Variants in QTRT2 observed in about 807,000 individuals in gnomAD.
QTRT2 encodes the protein queuine tRNA-ribosyltransferase domain containing 1.
In QTRT2, 32 loss-of-function variants were observed where a neutral mutation model predicts 44.8. That is an observed-to-expected ratio of 0.71 (90% CI 0.54 to 0.96). QTRT2 has a LOEUF of 0.96. Among genes scored for constraint, QTRT2 ranks in the 40% least tolerant of loss-of-function variants. QTRT2 has a pLI of 0.00. For synonymous variants in QTRT2, 182 were observed against 187.4 expected (o/e 0.97, Z 0.24); for missense variants, 461 against 503.1 (o/e 0.92, Z 0.80).
In QTRT2 at chr3:114,086,048, A is replaced by AC; in HGVS notation, c.*145dup. On this transcript the variant is annotated 3_prime_UTR_variant, in exon 10 of 10. Coordinates refer to ENST00000281273, the MANE Select transcript of QTRT2 (RefSeq NM_024638.4). ...CTTAAATAAAGAATCTTTGTACCAA[A>AC]CTGCCCACATGAGGGTGAAGAGATT... 1.5e-6 allele frequency: 1 copy of AC among 678,354 alleles called. No homozygotes were observed. The highest frequency in any genetic ancestry group is 1.8e-5 in the South Asian group (1 of 54,236). 42.0% of individuals were successfully genotyped at this position (678,354 alleles called of 1,614,324 possible). A position where few individuals can be genotyped will look rare whatever the true frequency, so the allele number is the denominator to read the frequency against.
At chr3:114,081,261 C>T (rs944244516) in intron 8 of QTRT2, among the ~76,000 whole-genome samples, 1 of 152,154 alleles carries the variant, frequency 6.6e-6, no homozygotes, top group Admixed American at 6.5e-5. Context: ...AAATTAAAGT[C>T]CTTTGCCAGT....
intron 3 of QTRT2, 24 bp from the exon 4 acceptor site, chr3:114,066,204 T>C (rs772125337): frequency 2.6e-6 from 4 of 1,537,046 alleles, no homozygotes; most frequent in African/African-American, 1.4e-5. Context: ...TATTATGTTA[T>C]GTATTTTTCT....
At chr3:114,068,116 C>A in intron 5 of QTRT2, 53 bp downstream of exon 5, 1 of 1,433,076 alleles carries the variant, frequency 7.0e-7, no homozygotes, top group Non-Finnish European at 9.8e-7. Flanking sequence ...GGAAGTCAGC[C>A]TATGGTGTAT....
intron 8 of QTRT2, among the ~76,000 whole-genome samples, chr3:114,082,230 A>ACACG (rs1462987984): frequency 6.7e-6 from 1 of 149,328 alleles, no homozygotes. Flanking sequence ...ACACACACAC[A>ACACG]CACACACACA....
intron 8 of QTRT2, among the ~76,000 whole-genome samples, chr3:114,080,543 C>T (rs1274019691): frequency 6.6e-6 from 1 of 151,864 alleles, no homozygotes; most frequent in African/African-American, 2.4e-5. Flanking sequence ...GCTAATGTTG[C>T]TTTGAAGGAC....
Position 114,056,878 on chromosome 3 carries a change from T to C in QTRT2, c.-130+14T>C, listed in dbSNP as rs2076798292. ...GTTTGTTGGCAGGTAAGTGCCCCTT[T>C]GCCCTGCTGGTGTGGGAGCTGCTAG... is the stretch of plus-strand genomic sequence containing the variant. On this transcript the variant is annotated intron_variant, in intron 1 of 9. Transcript: ENST00000281273. 3 of 1,535,842 alleles carry C rather than the reference T, an allele frequency of 2.0e-6. No individual in the cohort carries two copies. Among genetic ancestry groups the C allele is most frequent in the Non-Finnish European group, 2.6e-6 (3 of 1,146,736 alleles).
At chr3:114,058,963 G>A (rs2076847228) in intron 2 of QTRT2, among the ~76,000 whole-genome samples, 1 of 152,248 alleles carries the variant, frequency 6.6e-6, no homozygotes, top group African/African-American at 2.4e-5. Flanking sequence ...AGGGGTAAGA[G>A]ATGCTGATGT....
rs375232308 is a variant in QTRT2, at chr3:114,080,107, G to A, written c.898+50G>A. On this transcript the variant is annotated intron_variant, in intron 8 of 9. Transcript: ENST00000281273. The stretch of plus-strand genomic sequence containing the variant: ...TATCCTTAAGTTTCTTCCATTTCCT[G>A]TTAATTTTTGGCTTGAGTCACAAGA... 1.1e-5 allele frequency: 17 copies of A among 1,491,522 alleles called. No individual in the cohort carries two copies. The African/African-American group carries it at 2.4e-4, about 21-fold the overall frequency. The allele number at this position is 1,491,522 out of a possible 1,614,324, so 92.4% of individuals were successfully genotyped here. A position where few individuals can be genotyped will look rare whatever the true frequency, so the allele number is the denominator to read the frequency against.
Position 114,067,997 on chromosome 3 carries a change from A to G in QTRT2, c.267A>G (p.Glu89=). ...TTTGTGTTTATACAGGCATGCCAGA[A>G]TCACTCTTGTACTGCTCCCTGCACG... The part of the protein sequence containing the change: ...EGVGKFIGMP[E]SLLYCSLHDP... The change falls in exon 5 of 10, where the codon GAA becomes GAG. Residue 89 remains glutamate, a synonymous_variant. Transcript: ENST00000281273. 1 of 1,613,688 alleles carries G rather than the reference A, an allele frequency of 6.2e-7. No individual in the cohort carries two copies. The highest frequency in any genetic ancestry group is 1.1e-5 in the South Asian group (1 of 91,068).
At position 114,079,951 on chromosome 3, in the gene QTRT2, T is replaced by A. The variant is rs747936404; in HGVS notation, c.792T>A (p.Ile264=). ...GGCCAGATGAGGTGCTCGAGTGTAT[T>A]GAAAGAGGAGTGGACTTATTTGAGA... ...VSRPDEVLEC[I]ERGVDLFESF... is the part of the protein sequence containing the mutation. The change falls in exon 8 of 10, where the codon ATT becomes ATA. Residue 264 remains isoleucine, a synonymous_variant. Coordinates refer to ENST00000281273, the MANE Select transcript of QTRT2 (RefSeq NM_024638.4). 1.9e-6 allele frequency: 3 copies of A among 1,613,984 alleles called. No individual in the cohort carries two copies. The highest frequency in any genetic ancestry group is 1.6e-4 in the Middle Eastern group (1 of 6,062).
chr3:114,078,635 T>C (rs2077124758), intron 7 of QTRT2: 1 of 152,210 alleles, frequency 6.6e-6, no homozygotes, highest in South Asian at 2.1e-4. Context: ...TTGAGTATCC[T>C]TTATCCAAAA....
chr3:114,060,554 TTAGA>T (rs200478018), intron 2 of QTRT2, among the ~76,000 whole-genome samples: 1,628 of 150,790 alleles, frequency 0.011, 32 homozygotes, highest in African/African-American at 0.037. Flanking sequence ...ATAAGATAGA[TTAGA>T]TAGATAGATT....
intron 6 of QTRT2, among the ~76,000 whole-genome samples, chr3:114,073,182 C>T (rs1230977801): frequency 4.6e-5 from 7 of 151,996 alleles, no homozygotes; most frequent in Non-Finnish European, 8.8e-5. Context: ...GTGTTGGTGG[C>T]TTGCTAGTAA....
At chr3:114,075,589 G>A (rs1364393771) in intron 6 of QTRT2, among the ~76,000 whole-genome samples, 1 of 147,070 alleles carries the variant, frequency 6.8e-6, no homozygotes, top group Non-Finnish European at 1.5e-5. Flanking sequence ...ACTCAGCGCA[G>A]CCTCCTCCTC....
chr3:114,060,974 A>C (rs2076879838), intron 2 of QTRT2, among the ~76,000 whole-genome samples: 1 of 152,200 alleles, frequency 6.6e-6, no homozygotes, highest in African/African-American at 2.4e-5. Flanking sequence ...GGTGGAACAG[A>C]GCAAAATGGT....
chr3:114,065,189 C>G, intron 2 of QTRT2, 48 bp from the exon 3 acceptor site: 1 of 1,320,814 alleles, frequency 7.6e-7, no homozygotes, highest in Non-Finnish European at 1.1e-6. Context: ...TGCTTGGCCT[C>G]TAGGTGTTGT....
At position 114,057,026 on chromosome 3, in the gene QTRT2, G is replaced by A. The variant is rs1272481190; in HGVS notation, c.-102G>A. The A allele has an allele frequency of 9.9e-6, 14 of 1,408,832 alleles. No individual in the cohort carries two copies. Among genetic ancestry groups the A allele is most frequent in the South Asian group, 4.7e-5 (3 of 63,674 alleles). The allele number at this position is 1,408,832 out of a possible 1,614,324, so 87.3% of individuals were successfully genotyped here. A position where few individuals can be genotyped will look rare whatever the true frequency, so the allele number is the denominator to read the frequency against. On this transcript the variant is annotated 5_prime_UTR_variant, in exon 2 of 10. Coordinates refer to ENST00000281273, the MANE Select transcript of QTRT2 (RefSeq NM_024638.4). ...TGTCCTGGTGGATTGGTTTCTGTAA[G>A]TTCAGATTCTCATAAATCGTGTGAG...
intron 2 of QTRT2, among the ~76,000 whole-genome samples, chr3:114,059,640 T>G: frequency 6.6e-6 from 1 of 152,238 alleles, no homozygotes; most frequent in East Asian, 1.9e-4. Context: ...GATTTCCAGC[T>G]GAAGTATAGT....
At chr3:114,071,499 A>C (rs951036675) in intron 6 of QTRT2, among the ~76,000 whole-genome samples, 1 of 152,050 alleles carries the variant, frequency 6.6e-6, no homozygotes, top group African/African-American at 2.4e-5. Flanking sequence ...GGGTTTCACC[A>C]TGTTAGCCAG....
Sources: allele counts gnomAD v4.1 joint callset (sites outside exome capture counted in the v4.1 genomes callset), GRCh38; gene constraint gnomAD v4.1.1; transcripts MANE v1.5; gene names NCBI Gene and HGNC (gene_info 2026-07-23, HGNC 2026-07-21).